The following PDE3A variants were observed in gnomAD, a reference collection of about 807,000 sequenced individuals.
PDE3A encodes the protein cGMP-inhibited 3',5'-cyclic phosphodiesterase 3A.
Under a neutral mutation model 98.3 loss-of-function variants are expected in PDE3A, and 43 were observed. The ratio of observed to expected loss-of-function variants is 0.44; its 90% CI spans 0.34 to 0.56. The LOEUF is 0.56. Ranked by LOEUF, PDE3A falls within the 20% of genes least tolerant of loss-of-function variation. The pLI, the probability that PDE3A is intolerant of heterozygous loss-of-function variation, is 0.01. For missense variants in PDE3A, 1,427 were observed against 1,440.7 expected (o/e 0.99, Z 0.15); for synonymous variants, 663 against 567.9 (o/e 1.17, Z -2.38).
intron 1 of PDE3A, among the ~76,000 whole-genome samples, chr12:20,443,580 CTA>C (rs1333088665): frequency 6.6e-6 from 1 of 152,066 alleles, no homozygotes; most frequent in Non-Finnish European, 1.5e-5. Flanking sequence ...TTGCATAAGA[CTA>C]ACTCTTTTCG....
At chr12:20,435,622 G>A (rs561229253) in intron 1 of PDE3A, among the ~76,000 whole-genome samples, 2 of 152,202 alleles carry the variant, frequency 1.3e-5, no homozygotes, top group African/African-American at 4.8e-5. Context: ...TCTAATTCCT[G>A]GTAGTAAGGA....
At chr12:20,515,749 T>TA (rs1565574267) in intron 1 of PDE3A, among the ~76,000 whole-genome samples, 1 of 141,086 alleles carries the variant, frequency 7.1e-6, no homozygotes. Context: ...TTTATTTATT[T>TA]TGAGACGGAG....
At chr12:20,456,450 C>G (rs1046695990) in intron 1 of PDE3A, among the ~76,000 whole-genome samples, 1 of 152,002 alleles carries the variant, frequency 6.6e-6, no homozygotes, top group Non-Finnish European at 1.5e-5. Flanking sequence ...AAATTGTATG[C>G]CCCAAATATT....
chr12:20,416,391 A>G (rs1565542240), intron 1 of PDE3A, among the ~76,000 whole-genome samples: 2 of 152,220 alleles, frequency 1.3e-5, no homozygotes, highest in African/African-American at 4.8e-5. Context: ...ATGAATGGAT[A>G]TAACCCACCT....
At position 20,683,233 on chromosome 12, in the gene PDE3A, T is replaced by G. The variant is rs986166981; in HGVS notation, c.*2962T>G. On this transcript the variant is annotated 3_prime_UTR_variant, in exon 16 of 16. Transcript: ENST00000359062. The stretch of plus-strand genomic sequence containing the variant: ...TAAGGGACATTTTCTGCCAGTAGAG[T>G]TCTCCCCCTTTTTGGTGACAGCAAT... 1.3e-5 allele frequency: 2 copies of G among 152,130 alleles called. No homozygotes were observed. Among genetic ancestry groups the G allele is most frequent in the African/African-American group, 2.4e-5 (1 of 41,430 alleles). The allele number at this position is 152,130 out of a possible 1,614,324, so 9.4% of individuals were successfully genotyped here.
At chr12:20,451,343 A>G (rs1237434544) in intron 1 of PDE3A, among the ~76,000 whole-genome samples, 1 of 152,066 alleles carries the variant, frequency 6.6e-6, no homozygotes, top group Non-Finnish European at 1.5e-5. Flanking sequence ...CTGCCATCTC[A>G]GCTCACTGCA....
At position 20,639,826 on chromosome 12, in the gene PDE3A, G is replaced by A. The variant is rs769998153; in HGVS notation, c.2140-20G>A. On this transcript the variant is annotated intron_variant, in intron 9 of 15. Coordinates refer to ENST00000359062, the MANE Select transcript of PDE3A (RefSeq NM_000921.5). The stretch of plus-strand genomic sequence containing the variant: ...ACATACACATAGGGATGTTTCATAA[G>A]GCTTTGTCTTCTTTTACAGGTATCT... 1 of 1,098,964 alleles carries A rather than the reference G, an allele frequency of 9.1e-7. No individual in the cohort carries two copies. Among genetic ancestry groups the A allele is most frequent in the Non-Finnish European group, 1.4e-6 (1 of 711,952 alleles). 68.1% of individuals were successfully genotyped at this position (1,098,964 alleles called of 1,614,324 possible).
rs369020240 is a variant in PDE3A, at chr12:20,680,291, T to C, written c.*20T>C. On this transcript the variant is annotated 3_prime_UTR_variant, in exon 16 of 16. Coordinates refer to ENST00000359062, the MANE Select transcript of PDE3A (RefSeq NM_000921.5). ...CAGTGACAATGGATAGAATGGGCTG[T>C]GTTTCCAAACAGATTGACTTGTCAA... The C allele has an allele frequency of 5.6e-5, 91 of 1,612,588 alleles. No homozygotes were observed. Among genetic ancestry groups the C allele is most frequent in the Non-Finnish European group, 7.5e-5 (89 of 1,179,070 alleles).
chr12:20,510,004 GA>G (rs1437874041), intron 1 of PDE3A, among the ~76,000 whole-genome samples: 1 of 151,728 alleles, frequency 6.6e-6, no homozygotes, highest in Non-Finnish European at 1.5e-5. Flanking sequence ...ATATTTATAT[GA>G]TAAAACATTT....
At chr12:20,411,793 A>G (rs999366117) in intron 1 of PDE3A, among the ~76,000 whole-genome samples, 3 of 152,288 alleles carry the variant, frequency 2.0e-5, no homozygotes, top group Middle Eastern at 3.4e-3. Flanking sequence ...ACACATTTTC[A>G]TCTAATGTCC....
chr12:20,379,787 A>T (rs1943631202), intron 1 of PDE3A, among the ~76,000 whole-genome samples: 1 of 151,750 alleles, frequency 6.6e-6, no homozygotes, highest in Non-Finnish European at 1.5e-5. Flanking sequence ...TGGTGTTTAC[A>T]TTTTTGTTAC....
intron 2 of PDE3A, among the ~76,000 whole-genome samples, chr12:20,565,547 G>C (rs1383354561): frequency 6.6e-6 from 1 of 151,936 alleles, no homozygotes; most frequent in East Asian, 1.9e-4. Flanking sequence ...CAAATAATCA[G>C]ATATAGAGGT....
At chr12:20,649,951 A>G (rs551145930) in intron 13 of PDE3A, among the ~76,000 whole-genome samples, 94 of 110,486 alleles carry the variant, frequency 8.5e-4, no homozygotes, top group South Asian at 3.4e-3. Context: ...GAAGTAATTG[A>G]TTATATATGC....
chr12:20,431,676 GTA>G (rs1944701901), intron 1 of PDE3A, among the ~76,000 whole-genome samples: 1 of 151,682 alleles, frequency 6.6e-6, no homozygotes, highest in Admixed American at 6.6e-5. Flanking sequence ...CTATTTTGAC[GTA>G]TATGTACCTA....
rs1450180442 is a variant in PDE3A, at chr12:20,369,859, G to A, written c.575G>A (p.Gly192Glu). The A allele has an allele frequency of 3.7e-6, 6 of 1,612,378 alleles. No individual in the cohort carries two copies. The highest frequency in any genetic ancestry group is 2.2e-5 in the East Asian group (1 of 44,820). ...CACTTACTCTCACTCCCCGCCGCGGGGGTGGTGCTCAGCTGCTTGGCCGCC... is the reference window on the plus strand; with the variant it reads ...CACTTACTCTCACTCCCCGCCGCGGAGGTGGTGCTCAGCTGCTTGGCCGCC... ...EDHLLSLPAAGVVLSCLAAAT... is the reference protein window; with the variant it reads ...EDHLLSLPAAEVVLSCLAAAT... The change falls in exon 1 of 16, where the codon GGG becomes GAG. Residue 192 changes from glycine (G) to glutamate (E), a missense_variant. This residue lies in a region of PDE3A where 1,012 missense variants were observed against 886.5 expected (regional missense o/e 1.14). Coordinates refer to ENST00000359062, the MANE Select transcript of PDE3A (RefSeq NM_000921.5).
At chr12:20,371,400 T>C in intron 1 of PDE3A, 1 of 984,072 alleles carries the variant, frequency 1.0e-6, no homozygotes, top group Non-Finnish European at 1.2e-6. Context: ...AAATTTACAT[T>C]TTTCCCTTTA....
Position 20,613,480 on chromosome 12 carries a change from T to C in PDE3A, c.1049T>C (p.Met350Thr), listed in dbSNP as rs1943918570. ...AGTATTACTGTGGACATCGCCGTCA[T>C]GGGCGAGGCCCACGGCCTCATTACC... Reference protein sequence around the residue: ...GTSITVDIAVMGEAHGLITDL... With the variant: ...GTSITVDIAVTGEAHGLITDL... Residue 350 changes from methionine (M) to threonine (T), a missense_variant, in exon 3 of 16, where the codon ATG (methionine) becomes ACG (threonine). Physicochemically the swap from Met to Thr is moderately conservative, Grantham distance 81. This residue lies in a region of PDE3A where 1,012 missense variants were observed against 886.5 expected (regional missense o/e 1.14). Transcript: ENST00000359062. 2.5e-6 allele frequency: 4 copies of C among 1,613,790 alleles called. No individual in the cohort carries two copies. Among genetic ancestry groups the C allele is most frequent in the Admixed American group, 1.7e-5 (1 of 60,008 alleles).
At chr12:20,601,518 T>C (rs2121410277) in intron 2 of PDE3A, among the ~76,000 whole-genome samples, 1 of 152,318 alleles carries the variant, frequency 6.6e-6, no homozygotes, top group Non-Finnish European at 1.5e-5. Context: ...TGATGTTTTG[T>C]GTTAATATTT....
At chr12:20,390,175 G>A (rs1187975339) in intron 1 of PDE3A, among the ~76,000 whole-genome samples, 4 of 151,814 alleles carry the variant, frequency 2.6e-5, no homozygotes, top group Non-Finnish European at 4.4e-5. Context: ...AATTTTAAGA[G>A]GTAAGATAAG....
Sources: gnomAD v4.1 joint callset for allele counts (sites outside exome capture counted in the v4.1 genomes callset) on GRCh38, gnomAD v4.1.1 for gene constraint, gnomAD v4.1.1 regional missense constraint, MANE v1.5 for transcripts, NCBI Gene and HGNC (gene_info 2026-07-23, HGNC 2026-07-21) for gene names.